The following CEP76 variants were observed in gnomAD, a reference collection of about 807,000 sequenced individuals.
CEP76 encodes centrosomal protein of 76 kDa.
CEP76 carries 55 observed loss-of-function variants against 83.3 expected under a neutral mutation model. That is an observed-to-expected ratio of 0.66 (90% CI 0.53 to 0.83). The LOEUF (loss-of-function observed/expected upper bound fraction) is 0.83. CEP76 is among the 40% of genes least tolerant of loss of function. The pLI is 0.00. For missense variants in CEP76, 694 were observed against 799.5 expected (o/e 0.87, Z 1.59); for synonymous variants, 270 against 274.5 (o/e 0.98, Z 0.16).
rs746908656 is a variant in CEP76, at chr18:12,686,233, T to C, written c.1122+29A>G. Reference sequence around the variant, plus strand: ...ATTCAGAGTAACTATGATATACTGCTACTTAATTCTATTATGTGTGTATAA... The same window carrying C: ...ATTCAGAGTAACTATGATATACTGCCACTTAATTCTATTATGTGTGTATAA... On this transcript the variant is annotated intron_variant, in intron 8 of 11. Coordinates refer to ENST00000262127, the MANE Select transcript of CEP76 (RefSeq NM_024899.4). The C allele has an allele frequency of 1.4e-4, 217 of 1,545,792 alleles. No individual in the cohort carries two copies. In the Admixed American group the frequency reaches 3.9e-3, roughly 28 times the overall value.
At chr18:12,662,191 G>GAAA (rs5823232) in intron 12 of CEP76, 34 of 389,962 alleles carry the variant, frequency 8.7e-5, no homozygotes, top group Non-Finnish European at 1.1e-4. Flanking sequence ...CACCAGAAAG[G>GAAA]AAAAAAAAAA....
At chr18:12,668,551 T>C (rs532662217), downstream of CEP76, among the ~76,000 whole-genome samples, 5 of 128,386 alleles carry the variant, frequency 3.9e-5, no homozygotes, top group African/African-American at 1.5e-4. Context: ...GGAGCCAAGA[T>C]TGCACCACTG....
rs1484176915 is a variant in CEP76 at position 12,682,252 on chromosome 18, C to T, written c.1123-1424G>A. Among the ~76,000 whole-genome samples, 5 of 151,838 alleles carry T rather than the reference C, an allele frequency of 3.3e-5. 1 individual carries two copies. In the East Asian group the frequency reaches 7.7e-4, roughly 23 times the overall value. ...TGATCTCAGCTCAATGCTGCCTTGA[C>T]GTCCTCAGCTCACTGCAGCCTTGAT... On this transcript the variant is annotated intron_variant, in intron 8 of 11. Coordinates refer to ENST00000262127, the MANE Select transcript of CEP76 (RefSeq NM_024899.4).
At chr18:12,699,765 G>A (rs1291366676) in intron 3 of CEP76, 65 bp downstream of exon 3, 5 of 898,126 alleles carry the variant, frequency 5.6e-6, no homozygotes, top group Middle Eastern at 3.4e-4. Flanking sequence ...TATCAAATAC[G>A]AAAGACTACA....
intron 1 of CEP76, 86 bp downstream of exon 1, chr18:12,702,400 A>G (rs1598673340): frequency 9.9e-7 from 1 of 1,009,132 alleles, no homozygotes; most frequent in East Asian, 2.5e-5. Flanking sequence ...CGGCAAGCAG[A>G]TGCCGCTGTC....
chr18:12,680,554 G>C, intron 9 of CEP76, 108 bp downstream of exon 9: 3 of 731,582 alleles, frequency 4.1e-6, no homozygotes, highest in Non-Finnish European at 6.2e-6. Context: ...CTGAGATTGT[G>C]CCAGTGCACT....
chr18:12,680,622 T>C (rs765528866), intron 9 of CEP76, 40 bp downstream of exon 9: 12 of 1,099,468 alleles, frequency 1.1e-5, no homozygotes, highest in East Asian at 5.3e-5. Context: ...AAAAAACTTA[T>C]AACTTCATTT....
At chr18:12,681,865 G>T (rs898072787) in intron 8 of CEP76, among the ~76,000 whole-genome samples, 8 of 151,970 alleles carry the variant, frequency 5.3e-5, no homozygotes, top group African/African-American at 1.9e-4. Context: ...GTATGGTGGT[G>T]TGTGCCTGTA....
Position 12,691,264 on chromosome 18 carries a change from G to C in CEP76, c.933+95C>G, listed in dbSNP as rs1460970894. The C allele has an allele frequency of 5.2e-6, 4 of 764,840 alleles. No homozygotes were observed. The African/African-American group carries it at 7.3e-5, about 14-fold the overall frequency. 47.4% of individuals were successfully genotyped at this position (764,840 alleles called of 1,614,324 possible). ...TTTACAAATACACTTTTATTTTTTG[G>C]AATACATTTTACAAATAAATATTAA... On this transcript the variant is annotated intron_variant, in intron 7 of 11. Coordinates refer to ENST00000262127, the MANE Select transcript of CEP76 (RefSeq NM_024899.4).
chr18:12,693,211 T>G (rs903561027), intron 6 of CEP76, among the ~76,000 whole-genome samples: 1 of 152,178 alleles, frequency 6.6e-6, no homozygotes, highest in Non-Finnish European at 1.5e-5. Flanking sequence ...CTAGAAATTA[T>G]AAATATGACA....
chr18:12,670,449 T>C (rs1315019888), downstream of CEP76: 1 of 152,202 alleles, frequency 6.6e-6, no homozygotes, highest in African/African-American at 2.4e-5. Context: ...AGCATATTTA[T>C]TACAGAGTTT....
chr18:12,661,957 A>T (rs1040665747), exon 13 of CEP76: 2 of 258,492 alleles, frequency 7.7e-6, no homozygotes, highest in African/African-American at 2.3e-5. Context: ...TCTGAATATG[A>T]TTTTGTTTTG....
At chr18:12,691,156 G>A (rs1427070012) in intron 7 of CEP76, 2 of 404,378 alleles carry the variant, frequency 4.9e-6, no homozygotes, top group Non-Finnish European at 8.6e-6. Context: ...CACAATAACT[G>A]AAATTGAAAG....
chr18:12,696,667 A>G (rs888736907), intron 5 of CEP76, among the ~76,000 whole-genome samples: 1 of 152,184 alleles, frequency 6.6e-6, no homozygotes, highest in African/African-American at 2.4e-5. Flanking sequence ...TATGTGTTAC[A>G]TAGCGGGCAG....
At chr18:12,701,888 T>C (rs907382336) in intron 1 of CEP76, among the ~76,000 whole-genome samples, 5 of 152,104 alleles carry the variant, frequency 3.3e-5, no homozygotes, top group Admixed American at 1.3e-4. Context: ...CCCAGCACTT[T>C]AGGAGGCCGA....
chr18:12,664,663 G>A (rs993453007), intron 12 of CEP76, among the ~76,000 whole-genome samples: 2 of 151,616 alleles, frequency 1.3e-5, no homozygotes, highest in Non-Finnish European at 2.9e-5. Flanking sequence ...GGGATTACAG[G>A]TTTGAACCAC....
chr18:12,697,475 C>A, intron 4 of CEP76, 67 bp from the exon 5 acceptor site: 1 of 1,058,456 alleles, frequency 9.4e-7, no homozygotes, highest in Non-Finnish European at 1.3e-6. Flanking sequence ...TAAAAGAATA[C>A]TTTTATTAAA....
chr18:12,674,042 C>T (rs1011458338), intron 11 of CEP76, among the ~76,000 whole-genome samples: 3 of 152,232 alleles, frequency 2.0e-5, no homozygotes, highest in South Asian at 2.1e-4. Context: ...TAATCCCAGA[C>T]TATCTAGGGC....
chr18:12,671,272 A>C (rs1222771491), downstream of CEP76: 1 of 152,086 alleles, frequency 6.6e-6, no homozygotes, highest in African/African-American at 2.4e-5. Context: ...ACACTTTTAG[A>C]TTTTAATTTT....
Sources: gnomAD v4.1 joint callset for allele counts (sites outside exome capture counted in the v4.1 genomes callset) on GRCh38, gnomAD v4.1.1 for gene constraint, MANE v1.5 for transcripts, NCBI Gene and HGNC (gene_info 2026-07-23, HGNC 2026-07-21) for gene names.